TLL2: variants seen among roughly 807,000 people sequenced by gnomAD.
TLL2 encodes the protein tolloid-like protein 2.
TLL2 carries 106 observed loss-of-function variants against 123.0 expected under a neutral mutation model. That is an observed-to-expected ratio of 0.86 (90% confidence interval 0.74 to 1.01). The LOEUF (loss-of-function observed/expected upper bound fraction) is 1.01, where lower values mean the gene tolerates loss of function less well. Among genes scored for constraint, TLL2 ranks in the 50% least tolerant of loss-of-function variants. The pLI, the probability that TLL2 is intolerant of heterozygous loss-of-function variation, is 0.00. For missense variants in TLL2, 1,332 were observed against 1,336.7 expected, an observed-to-expected ratio of 1.00 and a Z score of 0.06; for synonymous variants, 494 against 516.8, an observed-to-expected ratio of 0.96 and a Z score of 0.60.
At chr10:96,376,908 C>A in intron 17 of TLL2, 89 bp from the exon 18 acceptor site, 2 of 1,359,382 alleles carry the variant, frequency 1.5e-6, no homozygotes, top group Non-Finnish European at 1.9e-6. Context: ...CCTCCCCTCT[C>A]TCCTAATTGT....
chr10:96,378,116 A>G (rs1846154083), intron 17 of TLL2, among the ~76,000 whole-genome samples: 1 of 152,234 alleles, frequency 6.6e-6, no homozygotes, highest in Non-Finnish European at 1.5e-5. Context: ...CCTCCTCCTG[A>G]AGATGTGTCA....
chr10:96,405,181 C>A, intron 10 of TLL2, 51 bp downstream of exon 10: 1 of 1,549,098 alleles, frequency 6.5e-7, no homozygotes. Context: ...TAACAGCATC[C>A]CGGGGAACAT....
intron 7 of TLL2, among the ~76,000 whole-genome samples, chr10:96,419,688 G>C (rs1227869606): frequency 6.6e-6 from 1 of 152,174 alleles, no homozygotes; most frequent in African/African-American, 2.4e-5. Flanking sequence ...TACCCCCTGA[G>C]AACTTGGGAT....
At chr10:96,377,600 T>C (rs1846149689) in intron 17 of TLL2, among the ~76,000 whole-genome samples, 1 of 152,210 alleles carries the variant, frequency 6.6e-6, no homozygotes, top group Non-Finnish European at 1.5e-5. Context: ...GAACTTGGCC[T>C]GCCTGGCTTT....
In TLL2 at chr10:96,397,100, C is replaced by A; in HGVS notation, c.1384+86G>T. 1.0e-5 allele frequency: 13 copies of A among 1,280,310 alleles called. No individual in the cohort carries two copies. In the South Asian group the frequency reaches 1.7e-4, roughly 16 times the overall value. 79.3% of individuals were successfully genotyped at this position (1,280,310 alleles called of 1,614,324 possible). On this transcript the variant is annotated intron_variant, in intron 11 of 20. Coordinates refer to ENST00000357947, the MANE Select transcript of TLL2 (RefSeq NM_012465.4). ...CCCCTGTGGCTCTGGCCTGGAGTGT[C>A]TGGGCTGGGAGAGGGACAGTGGGCT... is the stretch of plus-strand genomic sequence containing the variant.
At chr10:96,380,792 G>T (rs534818974) in intron 16 of TLL2, among the ~76,000 whole-genome samples, 1 of 150,674 alleles carries the variant, frequency 6.6e-6, no homozygotes, top group East Asian at 2.0e-4. Flanking sequence ...GGCCGAGGCG[G>T]GTGGATCACC....
rs147340135 is a variant in TLL2, at chr10:96,479,164, A to C, written c.286+1185T>G. Among the ~76,000 whole-genome samples, 911 of 152,346 alleles carry C rather than the reference A, an allele frequency of 6.0e-3. 8 individuals carry two copies. The highest frequency in any genetic ancestry group is 0.02 in the African/African-American group (850 of 41,570). On this transcript the variant is annotated intron_variant, in intron 2 of 20. Coordinates refer to ENST00000357947, the MANE Select transcript of TLL2 (RefSeq NM_012465.4). ...CATTTAAAATGTGAATAGAATTTCA[A>C]ACCTTATACGAGACCTCAAAAATCC...
intron 5 of TLL2, among the ~76,000 whole-genome samples, chr10:96,423,002 C>T (rs966020839): frequency 2.0e-5 from 3 of 152,022 alleles, no homozygotes; most frequent in Admixed American, 6.6e-5. Context: ...ATGGTGTGTG[C>T]CTGTAATCCC....
rs1463801559 is a variant in TLL2, at chr10:96,365,076, C to T, written c.*3012G>A. 1.3e-5 allele frequency: 2 copies of T among 151,804 alleles called. No individual in the cohort carries two copies. Among genetic ancestry groups the T allele is most frequent in the Non-Finnish European group, 2.9e-5 (2 of 67,970 alleles). 9.4% of individuals were successfully genotyped at this position (151,804 alleles called of 1,614,324 possible). A position where few individuals can be genotyped will look rare whatever the true frequency, so the allele number is the denominator to read the frequency against. ...TTGGAAGAAGAATTATCTTGGGCCA[C>T]ACATAAAATACACTAACGATAGCTG... On this transcript the variant is annotated 3_prime_UTR_variant, in exon 21 of 21. Coordinates refer to ENST00000357947, the MANE Select transcript of TLL2 (RefSeq NM_012465.4).
At chr10:96,410,947 A>C (rs1204805496) in intron 8 of TLL2, among the ~76,000 whole-genome samples, 1 of 152,140 alleles carries the variant, frequency 6.6e-6, no homozygotes, top group African/African-American at 2.4e-5. Context: ...GAGAACATGA[A>C]AATGCAAGTA....
At chr10:96,418,463 A>G (rs998033619) in intron 7 of TLL2, among the ~76,000 whole-genome samples, 3 of 152,228 alleles carry the variant, frequency 2.0e-5, no homozygotes, top group Non-Finnish European at 4.4e-5. Context: ...TGTAATGAGC[A>G]TAATGGAAAT....
intron 10 of TLL2, among the ~76,000 whole-genome samples, chr10:96,398,997 A>G (rs1305214111): frequency 6.8e-6 from 1 of 145,998 alleles, no homozygotes; most frequent in Non-Finnish European, 1.5e-5. Context: ...TCACCCTCCC[A>G]AGTAGCTGGG....
Position 96,430,754 on chromosome 10 carries a change from C to T in TLL2, c.521-2006G>A, listed in dbSNP as rs538842171. ...AAAATTAGCTGGGCTTGGTGGCACA[C>T]GCCTGTAGTCTCAGCTACTCAGGAG... On this transcript the variant is annotated intron_variant, in intron 4 of 20. Coordinates refer to ENST00000357947, the MANE Select transcript of TLL2 (RefSeq NM_012465.4). Among the ~76,000 whole-genome samples, 274 of 152,146 alleles carry T rather than the reference C, an allele frequency of 1.8e-3. 1 individual carries two copies. The highest frequency in any genetic ancestry group is 0.01 in the Middle Eastern group (3 of 294).
intron 20 of TLL2, among the ~76,000 whole-genome samples, chr10:96,369,709 C>T (rs555663452): frequency 3.5e-5 from 5 of 142,254 alleles, no homozygotes; most frequent in South Asian, 4.4e-4. Flanking sequence ...TGCAGTGAGC[C>T]GAGATCCAGC....
rs962775511 is a variant in TLL2, at chr10:96,488,598, G to A, written c.176-8139C>T. Among the ~76,000 whole-genome samples, 4 of 152,212 alleles carry A rather than the reference G, an allele frequency of 2.6e-5. No individual in the cohort carries two copies. The South Asian group carries it at 6.2e-4, about 24-fold the overall frequency. On this transcript the variant is annotated intron_variant, in intron 1 of 20. Transcript: ENST00000357947. ...GACACAGCCCATAGCATGAGTCAGC[G>A]CTGCCCCTTAGGCTCACAGATACAG...
At chr10:96,484,340 A>G (rs1368421704) in intron 1 of TLL2, among the ~76,000 whole-genome samples, 2 of 152,216 alleles carry the variant, frequency 1.3e-5, no homozygotes, top group African/African-American at 4.8e-5. Flanking sequence ...CTGAACATGT[A>G]ACATGAGACA....
chr10:96,404,588 T>A (rs1846430777), intron 10 of TLL2, among the ~76,000 whole-genome samples: 1 of 152,184 alleles, frequency 6.6e-6, no homozygotes, highest in South Asian at 2.1e-4. Context: ...TTGGTTTGAA[T>A]AATTTTGGAC....
At chr10:96,482,244 C>A (rs1218966406) in intron 1 of TLL2, among the ~76,000 whole-genome samples, 1 of 146,838 alleles carries the variant, frequency 6.8e-6, no homozygotes. Flanking sequence ...GGCGACAGAG[C>A]GAGACTACGT....
At chr10:96,463,888 A>G (rs1441548410) in intron 2 of TLL2, among the ~76,000 whole-genome samples, 1 of 152,264 alleles carries the variant, frequency 6.6e-6, no homozygotes, top group Non-Finnish European at 1.5e-5. Flanking sequence ...AGCAGAGCTG[A>G]GTCCTGTCAG....
Sources: gnomAD v4.1 joint callset for allele counts (sites outside exome capture counted in the v4.1 genomes callset) on GRCh38, gnomAD v4.1.1 for gene constraint, MANE v1.5 for transcripts, NCBI Gene and HGNC (gene_info 2026-07-23, HGNC 2026-07-21) for gene names.